TFCP2: variants seen among roughly 807,000 people sequenced by gnomAD.
The protein encoded by TFCP2 is transcription factor CP2.
TFCP2 carries 33 observed loss-of-function variants against 73.4 expected under a neutral mutation model. That is an observed-to-expected ratio of 0.45 (90% confidence interval 0.34 to 0.60). The LOEUF is 0.60. Ranked by LOEUF, TFCP2 falls within the 20% of genes least tolerant of loss-of-function variation. TFCP2 has a pLI of 0.01. For synonymous variants in TFCP2, 193 were observed against 211.6 expected, an observed-to-expected ratio of 0.91 and a Z score of 0.76; for missense variants, 352 against 604.0, an observed-to-expected ratio of 0.58 and a Z score of 4.37.
chr12:51,122,819 G>A (rs1171483714), intron 1 of TFCP2, among the ~76,000 whole-genome samples: 1 of 152,098 alleles, frequency 6.6e-6, no homozygotes, highest in African/African-American at 2.4e-5. Flanking sequence ...AGTTACCAGT[G>A]CTCTCCTAAC....
In TFCP2 at chr12:51,101,947, G is replaced by A; in HGVS notation, c.1139C>T (p.Ala380Val). 2 of 1,608,394 alleles carry A rather than the reference G, an allele frequency of 1.2e-6. No homozygotes were observed. The highest frequency in any genetic ancestry group is 1.7e-6 in the Non-Finnish European group (2 of 1,175,174). ...ACTAATTACATACCGGCCTTTTAAT[G>A]CATTAAAAAGTCTGATTCCATCTGC... ...GPADGIRLFN[A>V]LKGRMVRPRL... The change falls in exon 11 of 15, where the codon GCA (alanine) becomes GTA (valine). Residue 380 changes from alanine (A) to valine (V), a missense_variant. Transcript: ENST00000257915.
chr12:51,093,699 G>A lies in TFCP2; in HGVS notation c.*1542C>T, dbSNP rs1939884669. The A allele has an allele frequency of 6.6e-6, 1 of 151,924 alleles. No individual in the cohort carries two copies. 9.4% of individuals were successfully genotyped at this position (151,924 alleles called of 1,614,324 possible). Reference sequence around the variant, plus strand: ...AGTTGCTCAGGTCAGTTTTAAACAAGTCATTGACTTAATTTTTTGGTTTCA... The same window carrying A: ...AGTTGCTCAGGTCAGTTTTAAACAAATCATTGACTTAATTTTTTGGTTTCA... On this transcript the variant is annotated 3_prime_UTR_variant, in exon 15 of 15. Coordinates refer to ENST00000257915, the MANE Select transcript of TFCP2 (RefSeq NM_005653.5).
chr12:51,098,504 T>C (rs1940023669), intron 13 of TFCP2, among the ~76,000 whole-genome samples: 1 of 151,770 alleles, frequency 6.6e-6, no homozygotes, highest in Admixed American at 6.6e-5. Flanking sequence ...CGCACGCCTG[T>C]AATTCCCACT....
intron 1 of TFCP2, among the ~76,000 whole-genome samples, chr12:51,170,343 C>CTTTTTTTTTTT (rs4026184): frequency 2.9e-4 from 42 of 147,226 alleles, no homozygotes; most frequent in African/African-American, 9.9e-4. Context: ...TAAAATCTTT[C>CTTTTTTTTTTT]TTTTTTTTTA....
At chr12:51,130,599 A>G (rs141761572) in intron 1 of TFCP2, among the ~76,000 whole-genome samples, 53 of 152,380 alleles carry the variant, frequency 3.5e-4, no homozygotes, top group African/African-American at 1.2e-3. Context: ...AGTCCAAAGC[A>G]TATTTTCCAT....
At chr12:51,157,733 C>A (rs1028595291) in intron 1 of TFCP2, among the ~76,000 whole-genome samples, 2 of 120,686 alleles carry the variant, frequency 1.7e-5, no homozygotes, top group African/African-American at 6.3e-5. Flanking sequence ...ATTGCCCAGG[C>A]TGGAGTACAG....
intron 1 of TFCP2, among the ~76,000 whole-genome samples, chr12:51,168,179 T>A (rs923542709): frequency 6.6e-6 from 1 of 152,144 alleles, no homozygotes; most frequent in Non-Finnish European, 1.5e-5. Flanking sequence ...AAGAACTGTT[T>A]GAGCCCAGGA....
At chr12:51,096,524 G>C (rs1212119927) in intron 13 of TFCP2, among the ~76,000 whole-genome samples, 4 of 152,170 alleles carry the variant, frequency 2.6e-5, no homozygotes, top group African/African-American at 9.7e-5. Context: ...AAAGCTTCAG[G>C]TGGCAAAGTG....
At chr12:51,162,311 T>C (rs1285371650) in intron 1 of TFCP2, among the ~76,000 whole-genome samples, 1 of 152,044 alleles carries the variant, frequency 6.6e-6, no homozygotes, top group Non-Finnish European at 1.5e-5. Flanking sequence ...CCAGGCGTGG[T>C]AGCCCATGGC....
chr12:51,166,024 AAAG>A (rs1292516538), intron 1 of TFCP2, among the ~76,000 whole-genome samples: 3 of 151,870 alleles, frequency 2.0e-5, no homozygotes, highest in Admixed American at 6.6e-5. Flanking sequence ...ACAAACAAAC[AAAG>A]AAGTTGGCCA....
At chr12:51,102,640 G>A (rs1159859675) in intron 10 of TFCP2, among the ~76,000 whole-genome samples, 6 of 152,026 alleles carry the variant, frequency 3.9e-5, no homozygotes, top group African/African-American at 1.4e-4. Flanking sequence ...CAGGAGAATC[G>A]CTTGAACCCA....
intron 11 of TFCP2, among the ~76,000 whole-genome samples, chr12:51,100,679 G>A (rs1940088840): frequency 6.6e-6 from 1 of 152,154 alleles, no homozygotes; most frequent in Admixed American, 6.5e-5. Context: ...GGCGGGCGTG[G>A]TGGTGCGTGC....
At chr12:51,165,184 G>C (rs1941730281) in intron 1 of TFCP2, among the ~76,000 whole-genome samples, 1 of 151,772 alleles carries the variant, frequency 6.6e-6, no homozygotes, top group South Asian at 2.1e-4. Flanking sequence ...GGGAGACTTG[G>C]TCTCTTAAAA....
chr12:51,124,950 G>C (rs183122250), intron 1 of TFCP2: 1 of 762,942 alleles, frequency 1.3e-6, no homozygotes, highest in Non-Finnish European at 2.4e-6. Flanking sequence ...TGCTTGCTCC[G>C]TAAGGTCGTT....
At chr12:51,152,257 C>A (rs1171279015) in intron 1 of TFCP2, among the ~76,000 whole-genome samples, 1 of 152,132 alleles carries the variant, frequency 6.6e-6, no homozygotes, top group Non-Finnish European at 1.5e-5. Context: ...TGAATCTAAC[C>A]ACGAGGAAAC....
At chr12:51,169,370 G>T (rs377456629) in intron 1 of TFCP2, among the ~76,000 whole-genome samples, 2 of 151,728 alleles carry the variant, frequency 1.3e-5, no homozygotes, top group Non-Finnish European at 2.9e-5. Flanking sequence ...GCATGATGGC[G>T]TGCGCCTGTA....
Position 51,154,564 on chromosome 12 carries a change from G to A in TFCP2, c.122+17737C>T, listed in dbSNP as rs528512580. ...CAGAAATTAGCCAGGCGTGGTGGCAGGTGCCTGTAATCTCAGCTACTCAGG... is the reference window on the plus strand; with the variant it reads ...CAGAAATTAGCCAGGCGTGGTGGCAAGTGCCTGTAATCTCAGCTACTCAGG... On this transcript the variant is annotated intron_variant, in intron 1 of 14. Transcript: ENST00000257915. 1.2e-3 allele frequency among the ~76,000 whole-genome samples: 183 copies of A among 152,162 alleles called. 1 individual carries two copies. Among genetic ancestry groups the A allele is most frequent in the African/African-American group, 4.2e-3 (176 of 41,524 alleles).
chr12:51,136,134 G>A (rs1224910534), intron 1 of TFCP2, among the ~76,000 whole-genome samples: 2 of 151,606 alleles, frequency 1.3e-5, no homozygotes, highest in Non-Finnish European at 2.9e-5. Flanking sequence ...GTGAAACCCC[G>A]TCTCTACTAA....
At chr12:51,157,652 G>A (rs1469698650) in intron 1 of TFCP2, among the ~76,000 whole-genome samples, 1 of 130,820 alleles carries the variant, frequency 7.6e-6, no homozygotes, top group Non-Finnish European at 1.7e-5. Context: ...TTTATCTTTA[G>A]TATTTCAGTA....
Sources: gnomAD v4.1 joint callset for allele counts (sites outside exome capture counted in the v4.1 genomes callset) on GRCh38, gnomAD v4.1.1 for gene constraint, MANE v1.5 for transcripts, NCBI Gene and HGNC (gene_info 2026-07-23, HGNC 2026-07-21) for gene names.